The following KCNMB4 variants were observed in gnomAD, a reference collection of about 807,000 sequenced individuals.
KCNMB4 encodes the protein potassium calcium-activated channel subfamily M regulatory beta subunit 4, also known as calcium-activated potassium channel subunit beta-4.
KCNMB4 carries 3 observed loss-of-function variants against 20.7 expected under a neutral mutation model. The ratio of observed to expected loss-of-function variants is 0.14; its 90% CI spans 0.07 to 0.37. The LOEUF (loss-of-function observed/expected upper bound fraction) is 0.37. Ranked by LOEUF, KCNMB4 falls within the 10% of genes least tolerant of loss-of-function variation. The pLI is 1.00. For synonymous variants in KCNMB4, 110 were observed against 113.4 expected (o/e 0.97, Z 0.19); for missense variants, 168 against 265.9 (o/e 0.63, Z 2.56).
chr12:70,387,785 T>G (rs1011209855), intron 1 of KCNMB4, among the ~76,000 whole-genome samples: 1 of 152,140 alleles, frequency 6.6e-6, no homozygotes, highest in African/African-American at 2.4e-5. Context: ...GAATGGGGAA[T>G]CTATCCCCTC....
At chr12:70,406,941 G>A (rs1258878293) in intron 2 of KCNMB4, among the ~76,000 whole-genome samples, 1 of 152,154 alleles carries the variant, frequency 6.6e-6, no homozygotes, top group Non-Finnish European at 1.5e-5. Flanking sequence ...CACCAAATGT[G>A]TGGGGTATTT....
intron 1 of KCNMB4, among the ~76,000 whole-genome samples, chr12:70,378,900 AGTATGGAT>A (rs1412457669): frequency 6.6e-6 from 1 of 152,206 alleles, no homozygotes; most frequent in Non-Finnish European, 1.5e-5. Flanking sequence ...CATGGGCTGC[AGTATGGAT>A]GTCATGTTAG....
At chr12:70,390,677 A>G (rs1868292189) in intron 1 of KCNMB4, among the ~76,000 whole-genome samples, 1 of 152,206 alleles carries the variant, frequency 6.6e-6, no homozygotes, top group South Asian at 2.1e-4. Context: ...TGGGTTACTC[A>G]GTATATTGAT....
chr12:70,366,658 C>G lies in KCNMB4; in HGVS notation c.-77C>G, dbSNP rs1883497783. The G allele has an allele frequency of 1.7e-6, 2 of 1,150,404 alleles. No individual in the cohort carries two copies. 71.3% of individuals were successfully genotyped at this position (1,150,404 alleles called of 1,614,324 possible). A position where few individuals can be genotyped will look rare whatever the true frequency, so the allele number is the denominator to read the frequency against. ...CGGCGGTGGCGGCGGCGGCTCCTCCCGCCCGAGGCAGTCGGGCTCGGCGCC... is the reference window on the plus strand; with the variant it reads ...CGGCGGTGGCGGCGGCGGCTCCTCCGGCCCGAGGCAGTCGGGCTCGGCGCC... On this transcript the variant is annotated 5_prime_UTR_variant, in exon 1 of 3. Coordinates refer to ENST00000258111, the MANE Select transcript of KCNMB4 (RefSeq NM_014505.6).
At chr12:70,424,757 A>T (rs964612200) in intron 2 of KCNMB4, among the ~76,000 whole-genome samples, 3 of 148,198 alleles carry the variant, frequency 2.0e-5, no homozygotes, top group African/African-American at 4.9e-5. Context: ...TCTCAAAAAA[A>T]AAAAGAATAC....
At chr12:70,403,560 C>A (rs1346075308) in intron 2 of KCNMB4, among the ~76,000 whole-genome samples, 1 of 152,196 alleles carries the variant, frequency 6.6e-6, no homozygotes, top group Non-Finnish European at 1.5e-5. Context: ...TCTTGAACTC[C>A]TGACCTCAGG....
chr12:70,406,627 C>T (rs529811849), intron 2 of KCNMB4, among the ~76,000 whole-genome samples: 23 of 152,234 alleles, frequency 1.5e-4, no homozygotes, highest in Admixed American at 1.2e-3. Flanking sequence ...GGTTTCAGAA[C>T]GTTCCTGAGC....
chr12:70,376,249 A>T (rs1883684854), intron 1 of KCNMB4, among the ~76,000 whole-genome samples: 1 of 151,970 alleles, frequency 6.6e-6, no homozygotes, highest in Admixed American at 6.6e-5. Context: ...ATACTTAATG[A>T]TGAAACATTG....
At chr12:70,379,682 G>C (rs1883750811) in intron 1 of KCNMB4, among the ~76,000 whole-genome samples, 1 of 152,144 alleles carries the variant, frequency 6.6e-6, no homozygotes, top group Non-Finnish European at 1.5e-5. Flanking sequence ...AGAATGCTGG[G>C]ATTACAGGCA....
At chr12:70,397,194 C>G (rs1868361742) in intron 1 of KCNMB4, among the ~76,000 whole-genome samples, 2 of 151,976 alleles carry the variant, frequency 1.3e-5, no homozygotes, top group Admixed American at 1.3e-4. Flanking sequence ...ACCTTCTCTA[C>G]AAAAAATTAG....
chr12:70,385,577 C>A (rs1868250642), intron 1 of KCNMB4, among the ~76,000 whole-genome samples: 1 of 152,168 alleles, frequency 6.6e-6, no homozygotes, highest in Non-Finnish European at 1.5e-5. Context: ...TGCTGAGCAT[C>A]TTCAACGAGT....
At chr12:70,385,026 A>G (rs1470543133) in intron 1 of KCNMB4, among the ~76,000 whole-genome samples, 1 of 152,094 alleles carries the variant, frequency 6.6e-6, no homozygotes, top group Non-Finnish European at 1.5e-5. Flanking sequence ...TAGATGATAT[A>G]TATAATGTTC....
chr12:70,400,139 C>T, intron 1 of KCNMB4, 70 bp from the exon 2 acceptor site: 1 of 1,210,580 alleles, frequency 8.3e-7, no homozygotes, highest in Non-Finnish European at 1.1e-6. Context: ...TGCCATCTTT[C>T]TATAAAAAAA....
chr12:70,430,814 G>T lies in KCNMB4; in HGVS notation c.*161G>T. On this transcript the variant is annotated 3_prime_UTR_variant, in exon 3 of 3. Transcript: ENST00000258111. ...GCAACAGAAACAGGCACAACTGGAA[G>T]ACTTGGAACCTCAAAGCTTGTATTC... 1 of 614,772 alleles carries T rather than the reference G, an allele frequency of 1.6e-6. No homozygotes were observed. Among genetic ancestry groups the T allele is most frequent in the Non-Finnish European group, 2.6e-6 (1 of 381,758 alleles). 38.1% of individuals were successfully genotyped at this position (614,772 alleles called of 1,614,324 possible).
rs144398442 is a variant in KCNMB4 at position 70,407,175 on chromosome 12, T to C, written c.464+6839T>C. On this transcript the variant is annotated intron_variant, in intron 2 of 2. Coordinates refer to ENST00000258111, the MANE Select transcript of KCNMB4 (RefSeq NM_014505.6). ...TCCCTCCTTGCATTCAATAATTTGC[T>C]AGAATGGCTCACAGAACACTACTTA... is the stretch of plus-strand genomic sequence containing the variant. Among the ~76,000 whole-genome samples, 5 of 152,220 alleles carry C rather than the reference T, an allele frequency of 3.3e-5. No homozygotes were observed. In the East Asian group the frequency reaches 9.7e-4, roughly 30 times the overall value.
intron 1 of KCNMB4, among the ~76,000 whole-genome samples, chr12:70,374,135 A>T (rs895045608): frequency 3.3e-5 from 5 of 152,248 alleles, no homozygotes; most frequent in African/African-American, 9.6e-5. Flanking sequence ...TGCATAAAAA[A>T]GAATCAGAAA....
intron 1 of KCNMB4, among the ~76,000 whole-genome samples, chr12:70,371,324 C>T (rs79985284): frequency 0.022 from 3,294 of 152,246 alleles, 76 homozygotes; most frequent in Admixed American, 0.046. Context: ...TCAGGCATTA[C>T]GTTTGCTGAA....
chr12:70,386,597 G>GT (rs1256647116), intron 1 of KCNMB4, among the ~76,000 whole-genome samples: 82 of 119,700 alleles, frequency 6.9e-4, no homozygotes, highest in Admixed American at 1.1e-3. Flanking sequence ...TTTGTTTGTT[G>GT]TTTTTTTTTT....
chr12:70,417,069 C>G (rs2136138675), intron 2 of KCNMB4, among the ~76,000 whole-genome samples: 1 of 152,252 alleles, frequency 6.6e-6, no homozygotes, highest in East Asian at 1.9e-4. Flanking sequence ...TGGTACAATA[C>G]TGATGCTGGA....
Sources: allele counts gnomAD v4.1 joint callset (sites outside exome capture counted in the v4.1 genomes callset), GRCh38; gene constraint gnomAD v4.1.1; transcripts MANE v1.5; gene names NCBI Gene and HGNC (gene_info 2026-07-23, HGNC 2026-07-21).